Variants in PCDHA9 observed in about 807,000 individuals in gnomAD.
The protein encoded by PCDHA9 is protocadherin alpha 9.
Under a neutral mutation model 62.0 loss-of-function variants are expected in PCDHA9, and 62 were observed. That is an observed-to-expected ratio of 1.00 (90% CI 0.81 to 1.23). PCDHA9 has a LOEUF of 1.23. Ranked by LOEUF, PCDHA9 falls within the 50% of genes most tolerant of loss-of-function variation. The probability of loss-of-function intolerance (pLI) is 0.00; values close to 1 mark genes in which losing one functional copy is unlikely to be tolerated. For synonymous variants in PCDHA9, 557 were observed against 567.6 expected (o/e 0.98, Z 0.27); for missense variants, 1,205 against 1,249.8 (o/e 0.96, Z 0.54).
intron 1 of PCDHA9, among the ~76,000 whole-genome samples, chr5:140,905,413 A>T (rs2071819141): frequency 6.6e-6 from 1 of 152,180 alleles, no homozygotes; most frequent in South Asian, 2.1e-4. Flanking sequence ...TTATACCAGT[A>T]CCATGCTGGT....
In PCDHA9 at chr5:141,012,060, A is replaced by T. The variant is rs919882671; in HGVS notation, c.*2123A>T. 3.9e-5 allele frequency: 6 copies of T among 153,766 alleles called. No individual in the cohort carries two copies. The highest frequency in any genetic ancestry group is 8.8e-5 in the Non-Finnish European group (6 of 68,040). 9.5% of individuals were successfully genotyped at this position (153,766 alleles called of 1,614,324 possible). ...GCATGGGGTAAAACTTGTTACCAAC[A>T]CATGTGAACCATTGCTACATTGTAG... On this transcript the variant is annotated 3_prime_UTR_variant, in exon 4 of 4. Transcript: ENST00000532602.
intron 1 of PCDHA9, chr5:140,875,748 C>T (rs2055764549): frequency 6.2e-7 from 1 of 1,614,078 alleles, no homozygotes; most frequent in South Asian, 1.1e-5. Flanking sequence ...GGATCGACCG[C>T]GAGAAGCTGT....
At chr5:141,003,087 G>A (rs894210434) in intron 3 of PCDHA9, among the ~76,000 whole-genome samples, 4 of 152,198 alleles carry the variant, frequency 2.6e-5, no homozygotes, top group Non-Finnish European at 5.9e-5. Flanking sequence ...AGTTTAACAG[G>A]CCTGGCATTT....
chr5:141,011,553 G>T lies in PCDHA9; in HGVS notation c.*1616G>T, dbSNP rs1191049531. The T allele has an allele frequency of 6.5e-6, 1 of 153,640 alleles. No homozygotes were observed. The highest frequency in any genetic ancestry group is 1.5e-5 in the Non-Finnish European group (1 of 68,008). The allele number at this position is 153,640 out of a possible 1,614,324, so 9.5% of individuals were successfully genotyped here. Reference sequence around the variant, plus strand: ...TGTTAATCAGCTTTTGTGTATGAAAGACACAGTAAAATTTCTTTCTTAAAT... The same window carrying T: ...TGTTAATCAGCTTTTGTGTATGAAATACACAGTAAAATTTCTTTCTTAAAT... On this transcript the variant is annotated 3_prime_UTR_variant, in exon 4 of 4. Transcript: ENST00000532602.
At chr5:141,005,018 T>C (rs2098193299) in intron 3 of PCDHA9, among the ~76,000 whole-genome samples, 1 of 152,250 alleles carries the variant, frequency 6.6e-6, no homozygotes, top group Non-Finnish European at 1.5e-5. Flanking sequence ...AGCTGCATTA[T>C]ATATAATTGC....
At chr5:140,884,003 G>T (rs781845787) in intron 1 of PCDHA9, 2 of 1,612,968 alleles carry the variant, frequency 1.2e-6, no homozygotes, top group Non-Finnish European at 8.5e-7. Flanking sequence ...CACAGTGAGC[G>T]AGCTGATGCC....
intron 1 of PCDHA9, among the ~76,000 whole-genome samples, chr5:140,913,578 A>G (rs1206858917): frequency 2.0e-5 from 3 of 152,072 alleles, no homozygotes; most frequent in Non-Finnish European, 2.9e-5. Context: ...CATTTCAAAT[A>G]TATTTCTGCT....
intron 1 of PCDHA9, among the ~76,000 whole-genome samples, chr5:140,900,706 A>G (rs1279378955): frequency 6.6e-6 from 1 of 152,154 alleles, no homozygotes; most frequent in Admixed American, 6.5e-5. Flanking sequence ...GTTCTTTTGG[A>G]AAGAAAGGAA....
At chr5:140,998,095 CA>C (rs1482651958) in intron 3 of PCDHA9, among the ~76,000 whole-genome samples, 1 of 152,106 alleles carries the variant, frequency 6.6e-6, no homozygotes, top group Non-Finnish European at 1.5e-5. Flanking sequence ...AATGCTAGAG[CA>C]AACAGAGGAG....
At chr5:140,870,633 C>A in intron 1 of PCDHA9, 2 of 1,612,872 alleles carry the variant, frequency 1.2e-6, no homozygotes, top group Middle Eastern at 1.8e-4. Context: ...TGTCGGTGCA[C>A]GCGGAGAGCG....
At chr5:140,927,104 C>CA in intron 1 of PCDHA9, 1 of 1,613,722 alleles carries the variant, frequency 6.2e-7, no homozygotes, top group Non-Finnish European at 8.5e-7. Flanking sequence ...GTGGATCTAC[C>CA]CAGCGGCAAT....
At position 140,870,679 on chromosome 5, in the gene PCDHA9, G is replaced by C. The variant is rs202117527; in HGVS notation, c.2394+19790G>C. ...CGCGCTGCAGCCGTTGGACCACGAG[G>C]AGCTGGAGCTGCTACAGTTCCAGGT... On this transcript the variant is annotated intron_variant, in intron 1 of 3. Coordinates refer to ENST00000532602, the MANE Select transcript of PCDHA9 (RefSeq NM_031857.2). 1.0e-4 allele frequency: 164 copies of C among 1,612,742 alleles called. No individual in the cohort carries two copies. The African/African-American group carries it at 1.9e-3, about 19-fold the overall frequency.
At chr5:140,993,460 TCTCACACACACACA>T (rs1441171729) in intron 3 of PCDHA9, among the ~76,000 whole-genome samples, 1 of 104,506 alleles carries the variant, frequency 9.6e-6, no homozygotes, top group Non-Finnish European at 1.9e-5. Flanking sequence ...CTTCTTTCTT[TCTCACACACACACA>T]CACACACACA....
At chr5:140,852,188 C>A in intron 1 of PCDHA9, 1 of 732,160 alleles carries the variant, frequency 1.4e-6, no homozygotes, top group Non-Finnish European at 1.7e-6. Flanking sequence ...TATGAAAATG[C>A]CAGTAACGTT....
At chr5:140,866,566 A>C (rs1554160398) in intron 1 of PCDHA9, 1 of 152,154 alleles carries the variant, frequency 6.6e-6, no homozygotes, top group Non-Finnish European at 1.5e-5. Context: ...TAATTTTGTT[A>C]ATACAGTGGT....
Position 140,995,742 on chromosome 5 carries a change from A to G in PCDHA9, c.2542+13179A>G, listed in dbSNP as rs1354360972. Among the ~76,000 whole-genome samples the G allele has an allele frequency of 7.2e-5, 11 of 152,280 alleles. No individual in the cohort carries two copies. In the East Asian group the frequency reaches 2.1e-3, roughly 29 times the overall value. On this transcript the variant is annotated intron_variant, in intron 3 of 3. Coordinates refer to ENST00000532602, the MANE Select transcript of PCDHA9 (RefSeq NM_031857.2). Reference sequence around the variant, plus strand: ...CTTAGGTAATCCTGGTGGATTTGGTATATCATGTCTGAGAAAATGTGGAGA... The same window carrying G: ...CTTAGGTAATCCTGGTGGATTTGGTGTATCATGTCTGAGAAAATGTGGAGA...
chr5:140,969,011 A>G lies in PCDHA9; in HGVS notation c.2395-9938A>G, dbSNP rs1554231347. On this transcript the variant is annotated intron_variant, in intron 1 of 3. Transcript: ENST00000532602. Reference sequence around the variant, plus strand: ...ATGCTGTGGAGGCTTCTGTGGAGTAAGGGAAAGGTCCCCTGCAGAACTGTA... The same window carrying G: ...ATGCTGTGGAGGCTTCTGTGGAGTAGGGGAAAGGTCCCCTGCAGAACTGTA... The G allele has an allele frequency of 2.5e-6, 4 of 1,614,084 alleles. No individual in the cohort carries two copies. In the South Asian group the frequency reaches 4.4e-5, roughly 18 times the overall value.
chr5:140,969,348 G>A, intron 1 of PCDHA9: 5 of 1,613,304 alleles, frequency 3.1e-6, no homozygotes, highest in Non-Finnish European at 4.2e-6. Flanking sequence ...CAGTGGTCAG[G>A]GGGTCTTCTA....
rs1366864610 is a variant in PCDHA9 at position 141,006,125 on chromosome 5, G to A, written c.2543-3502G>A. ...AAGGAGTTTTTTTTTTTTTTCTCAA[G>A]GCAGTAGAAAGCTTAAGCAGAGGAG... On this transcript the variant is annotated intron_variant, in intron 3 of 3. Transcript: ENST00000532602. 4.7e-5 allele frequency among the ~76,000 whole-genome samples: 7 copies of A among 149,644 alleles called. No individual in the cohort carries two copies. The South Asian group carries it at 1.3e-3, about 27-fold the overall frequency.
Sources: allele counts gnomAD v4.1 joint callset (sites outside exome capture counted in the v4.1 genomes callset), GRCh38; gene constraint gnomAD v4.1.1; transcripts MANE v1.5; gene names NCBI Gene and HGNC (gene_info 2026-07-23, HGNC 2026-07-21).